The following TANGO6 variants were observed in gnomAD, a reference collection of about 807,000 sequenced individuals.
The protein encoded by TANGO6 is transport and Golgi organization protein 6 homolog.
Under a neutral mutation model 114.2 loss-of-function variants are expected in TANGO6, and 90 were observed. That is an observed-to-expected ratio of 0.79 (90% CI 0.66 to 0.94). TANGO6 has a LOEUF of 0.94. TANGO6 is among the 40% of genes least tolerant of loss of function. TANGO6 has a pLI of 0.00. For synonymous variants in TANGO6, 477 were observed against 509.8 expected, an observed-to-expected ratio of 0.94 and a Z score of 0.87; for missense variants, 1,274 against 1,315.3, an observed-to-expected ratio of 0.97 and a Z score of 0.49.
At chr16:69,035,432 A>G (rs1319560350) in intron 16 of TANGO6, 2 of 152,212 alleles carry the variant, frequency 1.3e-5, no homozygotes, top group Non-Finnish European at 2.9e-5. Flanking sequence ...AATTAAAGTC[A>G]TGCTTCCTTG....
At chr16:69,026,533 C>A (rs1271373922) in intron 16 of TANGO6, 4 of 165,548 alleles carry the variant, frequency 2.4e-5, no homozygotes, top group Non-Finnish European at 4.0e-5. Context: ...GGTCATAGCT[C>A]GCAGCCTGCA....
chr16:68,941,188 A>G (rs981511831), intron 14 of TANGO6, among the ~76,000 whole-genome samples: 2 of 152,236 alleles, frequency 1.3e-5, no homozygotes, highest in South Asian at 2.1e-4. Context: ...GGGATTAAGT[A>G]AGGAAAAGAA....
rs763347431 is a variant in TANGO6, at chr16:68,900,396, A to T, written c.1378-38A>T. ...GTGATTCCCGTTGCTCTGGCCAGGC[A>T]GTCATGGGATTATTCTTCACCATTT... On this transcript the variant is annotated intron_variant, in intron 7 of 17. Coordinates refer to ENST00000261778, the MANE Select transcript of TANGO6 (RefSeq NM_024562.2). The T allele has an allele frequency of 2.6e-6, 4 of 1,568,258 alleles. No homozygotes were observed. In the East Asian group the frequency reaches 6.7e-5, roughly 26 times the overall value.
chr16:68,947,505 T>G (rs1963427487), intron 14 of TANGO6, among the ~76,000 whole-genome samples: 2 of 151,910 alleles, frequency 1.3e-5, no homozygotes, highest in South Asian at 4.2e-4. Flanking sequence ...TTATTAAAAT[T>G]AAATAATGCT....
intron 14 of TANGO6, among the ~76,000 whole-genome samples, chr16:68,961,422 TTC>T (rs1963589674): frequency 6.6e-6 from 1 of 152,212 alleles, no homozygotes; most frequent in Non-Finnish European, 1.5e-5. Flanking sequence ...GTGCCTCAGC[TTC>T]TCTCTCAAGG....
rs189300926 is a variant in TANGO6, at chr16:69,062,322, A to G, written c.3109-21163A>G. On this transcript the variant is annotated intron_variant, in intron 17 of 17. Transcript: ENST00000261778. Reference sequence around the variant, plus strand: ...AAAAGTGACCTCTCCTTTTGAAACCATGGTATCTCTCTTGCAGTCTCCTAG... The same window carrying G: ...AAAAGTGACCTCTCCTTTTGAAACCGTGGTATCTCTCTTGCAGTCTCCTAG... 5.9e-5 allele frequency among the ~76,000 whole-genome samples: 9 copies of G among 152,228 alleles called. No individual in the cohort carries two copies. In the East Asian group the frequency reaches 1.7e-3, roughly 29 times the overall value.
chr16:68,921,651 T>C (rs16958470), intron 12 of TANGO6, among the ~76,000 whole-genome samples: 10,644 of 145,154 alleles, frequency 0.073, 459 homozygotes, highest in African/African-American at 0.11. Context: ...ACTTCACACT[T>C]ATCATTTCAA....
At chr16:68,917,562 C>T (rs1021268404) in intron 11 of TANGO6, among the ~76,000 whole-genome samples, 2 of 152,206 alleles carry the variant, frequency 1.3e-5, no homozygotes, top group South Asian at 4.1e-4. Flanking sequence ...TCTCCATCCT[C>T]ACCAGCATTC....
chr16:69,021,894 T>C (rs1218090932), intron 15 of TANGO6, among the ~76,000 whole-genome samples: 2 of 150,702 alleles, frequency 1.3e-5, no homozygotes, highest in African/African-American at 4.9e-5. Context: ...TTCTTTTTTT[T>C]TTTTTTTTTA....
At chr16:69,068,369 C>A (rs1216952132) in intron 17 of TANGO6, among the ~76,000 whole-genome samples, 1 of 152,148 alleles carries the variant, frequency 6.6e-6, no homozygotes, top group African/African-American at 2.4e-5. Flanking sequence ...AAGAACACTA[C>A]TCTGGAGTCA....
intron 14 of TANGO6, among the ~76,000 whole-genome samples, chr16:68,944,217 G>C (rs1393360709): frequency 6.6e-6 from 1 of 152,132 alleles, no homozygotes; most frequent in Admixed American, 6.6e-5. Context: ...TTTGAACTTT[G>C]AGAGCCCATT....
chr16:68,906,791 TC>T (rs1962855636), intron 9 of TANGO6, among the ~76,000 whole-genome samples: 1 of 143,698 alleles, frequency 7.0e-6, no homozygotes, highest in Non-Finnish European at 1.5e-5. Context: ...AGTTTCTTCT[TC>T]TTTTTTTTTT....
rs1255933697 is a variant in TANGO6 at position 69,083,569 on chromosome 16, G to A, written c.3193G>A (p.Ala1065Thr). 2 of 1,607,586 alleles carry A rather than the reference G, an allele frequency of 1.2e-6. No individual in the cohort carries two copies. Among genetic ancestry groups the A allele is most frequent in the Middle Eastern group, 1.6e-4 (1 of 6,074 alleles). ...GCCCGATGACGTGGCCAAGCTCCAT[G>A]CCCAGTTGGCCCTAGAAGAGCTGGA... ...LEPDDVAKLH[A>T]QLALEELDDI... Residue 1065 changes from alanine (A) to threonine (T), a missense_variant, in exon 18 of 18, where the codon GCC (alanine) becomes ACC (threonine). Coordinates refer to ENST00000261778, the MANE Select transcript of TANGO6 (RefSeq NM_024562.2).
chr16:68,878,602 A>G (rs141663605), intron 6 of TANGO6, among the ~76,000 whole-genome samples: 75 of 150,700 alleles, frequency 5.0e-4, no homozygotes, highest in African/African-American at 1.9e-3. Flanking sequence ...TAAATACTAC[A>G]GTATGCATCC....
In TANGO6 at chr16:68,955,719, C is replaced by T. The variant is rs575287175; in HGVS notation, c.2702-18309C>T. On this transcript the variant is annotated intron_variant, in intron 14 of 17. Coordinates refer to ENST00000261778, the MANE Select transcript of TANGO6 (RefSeq NM_024562.2). ...AAAGTCTGATATACTATTAGTAATA[C>T]AAAGAAACCTTAACATGCAGCATAT... is the stretch of plus-strand genomic sequence containing the variant. 2.1e-4 allele frequency among the ~76,000 whole-genome samples: 32 copies of T among 152,180 alleles called. No homozygotes were observed. The Middle Eastern group carries it at 0.021, about 98-fold the overall frequency.
At chr16:68,895,939 A>AATTTT (rs1006715138) in intron 7 of TANGO6, among the ~76,000 whole-genome samples, 4 of 148,546 alleles carry the variant, frequency 2.7e-5, no homozygotes, top group African/African-American at 7.3e-5. Flanking sequence ...TTTTAATTTT[A>AATTTT]ATTTTATTTT....
At chr16:69,029,052 G>A (rs1048659386) in intron 16 of TANGO6, among the ~76,000 whole-genome samples, 2 of 152,058 alleles carry the variant, frequency 1.3e-5, no homozygotes, top group African/African-American at 4.8e-5. Context: ...TGAATCCCTA[G>A]ACTGTTCTTT....
At chr16:69,053,227 T>C (rs1419516544) in intron 17 of TANGO6, among the ~76,000 whole-genome samples, 2 of 152,170 alleles carry the variant, frequency 1.3e-5, no homozygotes, top group Admixed American at 6.5e-5. Context: ...ATTATTATTA[T>C]TATTATTAAC....
At chr16:68,924,556 G>C (rs1963142020) in intron 12 of TANGO6, among the ~76,000 whole-genome samples, 2 of 152,018 alleles carry the variant, frequency 1.3e-5, no homozygotes, top group African/African-American at 4.8e-5. Context: ...GGGAGGCTGA[G>C]GTGGGAAGAT....
Sources: allele counts gnomAD v4.1 joint callset (sites outside exome capture counted in the v4.1 genomes callset), GRCh38; gene constraint gnomAD v4.1.1; transcripts MANE v1.5; gene names NCBI Gene and HGNC (gene_info 2026-07-23, HGNC 2026-07-21).